The following LRFN5 variants were observed in gnomAD, a reference collection of about 807,000 sequenced individuals.
The protein encoded by LRFN5 is leucine rich repeat and fibronectin type III domain containing 5.
Under a neutral mutation model 45.6 loss-of-function variants are expected in LRFN5, and 24 were observed. The ratio of observed to expected loss-of-function variants is 0.53; its 90% CI spans 0.38 to 0.74. The LOEUF is 0.74. Ranked by LOEUF, LRFN5 falls within the 30% of genes least tolerant of loss-of-function variation. The probability of loss-of-function intolerance (pLI) is 0.00; values close to 1 mark genes in which losing one functional copy is unlikely to be tolerated. For synonymous variants in LRFN5, 340 were observed against 313.8 expected, an observed-to-expected ratio of 1.08 and a Z score of -0.88; for missense variants, 776 against 861.5, an observed-to-expected ratio of 0.90 and a Z score of 1.24.
chr14:41,898,957 A>G lies in LRFN5; in HGVS notation c.2139A>G (p.Thr713=), dbSNP rs1891024346. ...ATGTTGACCAGATTGTCCAGGAAAC[A>G]CAGGTGAGATTCTTATTACCTATAA... The part of the protein sequence containing the change: ...LTNVDQIVQE[T]QRLELI The change falls in exon 5 of 6, where the codon ACA becomes ACG. Residue 713 remains threonine, a synonymous_variant. Coordinates refer to ENST00000298119, the MANE Select transcript of LRFN5 (RefSeq NM_152447.5). 1 of 1,610,894 alleles carries G rather than the reference A, an allele frequency of 6.2e-7. No individual in the cohort carries two copies. The highest frequency in any genetic ancestry group is 1.1e-5 in the South Asian group (1 of 90,526).
At chr14:41,666,204 G>A (rs1273736272) in intron 1 of LRFN5, among the ~76,000 whole-genome samples, 1 of 151,968 alleles carries the variant, frequency 6.6e-6, no homozygotes, top group African/African-American at 2.4e-5. Flanking sequence ...GATGAGTGAT[G>A]TGTTTAATCT....
intron 4 of LRFN5, among the ~76,000 whole-genome samples, chr14:41,896,984 C>T (rs1410712504): frequency 1.3e-5 from 2 of 151,512 alleles, no homozygotes; most frequent in Admixed American, 6.6e-5. Flanking sequence ...ACCAGCTACT[C>T]GGGAGGCTGA....
rs532041849 is a variant in LRFN5 at position 41,676,303 on chromosome 14, G to A, written c.-197+67741G>A. Among the ~76,000 whole-genome samples the A allele has an allele frequency of 9.8e-5, 15 of 152,312 alleles. No individual in the cohort carries two copies. The East Asian group carries it at 1.3e-3, about 14-fold the overall frequency. On this transcript the variant is annotated intron_variant, in intron 1 of 5. Transcript: ENST00000298119. ...TGCTCACTGCTAGTGCCCACTCTGCGGATCAAGAGTATTACCTTGAGAAAA... is the reference window on the plus strand; with the variant it reads ...TGCTCACTGCTAGTGCCCACTCTGCAGATCAAGAGTATTACCTTGAGAAAA...
intron 2 of LRFN5, among the ~76,000 whole-genome samples, chr14:41,806,880 A>G (rs917821126): frequency 6.6e-6 from 1 of 152,114 alleles, no homozygotes; most frequent in African/African-American, 2.4e-5. Context: ...TAAACCTTTA[A>G]CAGTCAAAAT....
intron 2 of LRFN5, among the ~76,000 whole-genome samples, chr14:41,838,609 C>T (rs1186662927): frequency 6.6e-6 from 1 of 152,018 alleles, no homozygotes; most frequent in Non-Finnish European, 1.5e-5. Context: ...TTGAAAGAAA[C>T]TCAGATGGGG....
chr14:41,719,125 G>A (rs1883609921), intron 1 of LRFN5, among the ~76,000 whole-genome samples: 1 of 152,010 alleles, frequency 6.6e-6, no homozygotes, highest in East Asian at 1.9e-4. Flanking sequence ...TAGAATCTTT[G>A]TCTTTAATTA....
At chr14:41,752,924 TG>T (rs1412403734) in intron 1 of LRFN5, among the ~76,000 whole-genome samples, 2 of 152,224 alleles carry the variant, frequency 1.3e-5, no homozygotes, top group African/African-American at 4.8e-5. Context: ...CTTTAATCCA[TG>T]TTGAATTAAT....
At chr14:41,669,352 G>C (rs1881055275) in intron 1 of LRFN5, among the ~76,000 whole-genome samples, 1 of 150,876 alleles carries the variant, frequency 6.6e-6, no homozygotes, top group African/African-American at 2.4e-5. Context: ...ACACAGAAAG[G>C]GAAAATATGA....
intron 1 of LRFN5, among the ~76,000 whole-genome samples, chr14:41,753,845 A>C (rs972596363): frequency 3.3e-5 from 5 of 152,152 alleles, no homozygotes; most frequent in Non-Finnish European, 5.9e-5. Context: ...GTCTTGTGCC[A>C]GTTTTCAAAG....
chr14:41,859,390 A>G (rs1241884660), intron 2 of LRFN5, among the ~76,000 whole-genome samples: 2 of 152,244 alleles, frequency 1.3e-5, no homozygotes, highest in Admixed American at 1.3e-4. Flanking sequence ...AGGTAAAACC[A>G]TAGCCATTTG....
chr14:41,668,131 A>G (rs1287674487), intron 1 of LRFN5, among the ~76,000 whole-genome samples: 1 of 152,184 alleles, frequency 6.6e-6, no homozygotes, highest in East Asian at 1.9e-4. Flanking sequence ...GGTGCTTAGA[A>G]TAGCATATAG....
At chr14:41,830,139 T>C (rs1888431471) in intron 2 of LRFN5, among the ~76,000 whole-genome samples, 2 of 151,834 alleles carry the variant, frequency 1.3e-5, no homozygotes, top group South Asian at 4.2e-4. Flanking sequence ...AAATTTTAAC[T>C]TGTATTATAA....
intron 1 of LRFN5, among the ~76,000 whole-genome samples, chr14:41,760,721 G>T (rs1885624408): frequency 6.6e-6 from 1 of 151,232 alleles, no homozygotes; most frequent in East Asian, 2.0e-4. Flanking sequence ...AATCAGGGAG[G>T]GATAGAGAGA....
At chr14:41,674,164 C>T (rs1881440487) in intron 1 of LRFN5, among the ~76,000 whole-genome samples, 1 of 135,312 alleles carries the variant, frequency 7.4e-6, no homozygotes, top group Admixed American at 7.2e-5. Flanking sequence ...CAGAGGCGCC[C>T]CTCACCTCCC....
intron 2 of LRFN5, among the ~76,000 whole-genome samples, chr14:41,786,650 T>A (rs981193798): frequency 2.0e-5 from 3 of 151,920 alleles, no homozygotes; most frequent in African/African-American, 7.2e-5. Context: ...GTTGTGATTT[T>A]TTTTTAATTA....
At chr14:41,633,187 A>G (rs1175027284) in intron 1 of LRFN5, among the ~76,000 whole-genome samples, 1 of 152,136 alleles carries the variant, frequency 6.6e-6, no homozygotes, top group African/African-American at 2.4e-5. Flanking sequence ...TATGATGCCC[A>G]TGTTATGTAG....
intron 1 of LRFN5, among the ~76,000 whole-genome samples, chr14:41,730,224 A>G (rs963647374): frequency 4.6e-5 from 7 of 152,068 alleles, no homozygotes; most frequent in Non-Finnish European, 8.8e-5. Flanking sequence ...TCTAATTTTC[A>G]CCTTGTATTA....
At chr14:41,768,698 A>G (rs1169985193) in intron 2 of LRFN5, among the ~76,000 whole-genome samples, 3 of 152,126 alleles carry the variant, frequency 2.0e-5, no homozygotes, top group African/African-American at 7.2e-5. Flanking sequence ...TATCTGCCCA[A>G]TTAGTTAATT....
intron 1 of LRFN5, among the ~76,000 whole-genome samples, chr14:41,748,591 C>A (rs1885012432): frequency 6.6e-6 from 1 of 151,760 alleles, no homozygotes; most frequent in Admixed American, 6.6e-5. Context: ...GATGGTTGTG[C>A]AACAGTATAA....
Sources: gnomAD v4.1 joint callset for allele counts (sites outside exome capture counted in the v4.1 genomes callset) on GRCh38, gnomAD v4.1.1 for gene constraint, MANE v1.5 for transcripts, NCBI Gene and HGNC (gene_info 2026-07-23, HGNC 2026-07-21) for gene names.